VEGFA: variants seen among roughly 807,000 people sequenced by gnomAD.
VEGFA encodes the protein vascular endothelial growth factor A, also known as vascular endothelial growth factor A, long form.
A neutral mutation model predicts 49.7 loss-of-function variants in VEGFA; 20 were observed. The observed-to-expected ratio is 0.40, with a 90% CI of 0.28 to 0.58. VEGFA has a LOEUF of 0.58. Among genes scored for constraint, VEGFA ranks in the 20% least tolerant of loss-of-function variants. The probability of loss-of-function intolerance (pLI) is 0.40; values close to 1 mark genes in which losing one functional copy is unlikely to be tolerated. For missense variants in VEGFA, 505 were observed against 553.5 expected (o/e 0.91, Z 0.88); for synonymous variants, 219 against 223.4 (o/e 0.98, Z 0.18).
Position 43,777,439 on chromosome 6 carries a change from C to G in VEGFA, c.659-30C>G, listed in dbSNP as rs748234076. 8 of 1,612,574 alleles carry G rather than the reference C, an allele frequency of 5.0e-6. No individual in the cohort carries two copies. In the African/African-American group the frequency reaches 5.3e-5, roughly 11 times the overall value. On this transcript the variant is annotated intron_variant, in intron 2 of 7. Coordinates refer to ENST00000672860, the MANE Select transcript of VEGFA (RefSeq NM_003376.6). The surrounding 1 kb of genome is among the most constrained non-coding windows in gnomAD (Gnocchi z 4.3). ...GCTAGCCATCTTTTGTGTCGCCCAC[C>G]GGGCTCATGTGTCATCGCCTCTCAT... is the stretch of plus-strand genomic sequence containing the variant.
chr6:43,779,741 T>C, intron 5 of VEGFA: 1 of 462,260 alleles, frequency 2.2e-6, no homozygotes, highest in Non-Finnish European at 4.4e-6. Context: ...TTCCACCCTT[T>C]GGTGCTTTCT....
chr6:43,779,865 C>T (rs1766813878), intron 5 of VEGFA: 1 of 377,270 alleles, frequency 2.7e-6, no homozygotes, highest in African/African-American at 2.1e-5. Context: ...AGCTCTGGTT[C>T]TCTTGAAGGG....
At chr6:43,778,130 A>G (rs566462640) in intron 3 of VEGFA, 11 of 491,740 alleles carry the variant, frequency 2.2e-5, no homozygotes, top group African/African-American at 1.6e-4. Flanking sequence ...GGTATCTACT[A>G]GGAGTCAGGG....
Position 43,770,548 on chromosome 6 carries a change from A to G in VEGFA, c.-159A>G. On this transcript the variant is annotated 5_prime_UTR_variant, in exon 1 of 8. Coordinates refer to ENST00000672860, the MANE Select transcript of VEGFA (RefSeq NM_003376.6). ...AGAGGAAAGAGGTAGCAAGAGCTCCAGAGAGAAGTCGAGGAAGAGAGAGAC... is the reference window on the plus strand; with the variant it reads ...AGAGGAAAGAGGTAGCAAGAGCTCCGGAGAGAAGTCGAGGAAGAGAGAGAC... 9 of 1,328,870 alleles carry G rather than the reference A, an allele frequency of 6.8e-6. No homozygotes were observed. The highest frequency in any genetic ancestry group is 4.1e-5 in the South Asian group (2 of 48,532). The allele number at this position is 1,328,870 out of a possible 1,614,324, so 82.3% of individuals were successfully genotyped here.
intron 4 of VEGFA, 76 bp downstream of exon 4, chr6:43,778,612 G>A: frequency 1.4e-6 from 2 of 1,476,496 alleles, no homozygotes; most frequent in East Asian, 2.3e-5. Context: ...TAAGCATGCT[G>A]TACTTTTTGG....
chr6:43,782,738 A>G, intron 7 of VEGFA: 1 of 163,122 alleles, frequency 6.1e-6, no homozygotes, highest in Non-Finnish European at 1.3e-5. Context: ...AGGCTCCCTC[A>G]GGCCAGGGCT....
In VEGFA at chr6:43,779,165, AG is replaced by A. The variant is rs1367594818; in HGVS notation, c.962+248del. On this transcript the variant is annotated intron_variant, in intron 5 of 7. Transcript: ENST00000672860. ...AAGGGACAATGCCTTCTGGGTCTCC[AG>A]ATCATTCCTGACCAGGACTTGCTGT... 4.2e-5 allele frequency: 25 copies of A among 600,726 alleles called. No individual in the cohort carries two copies. The East Asian group carries it at 7.0e-4, about 17-fold the overall frequency. The allele number at this position is 600,726 out of a possible 1,614,324, so 37.2% of individuals were successfully genotyped here.
rs758184027 is a variant in VEGFA at position 43,771,075 on chromosome 6, G to C, written c.369G>C (p.Ala123=). ...AGCCGGGCTCATGGACGGGTGAGGCGGCGGTGTGCGCAGACAGTGCTCCAG... is the reference window on the plus strand; with the variant it reads ...AGCCGGGCTCATGGACGGGTGAGGCCGCGGTGTGCGCAGACAGTGCTCCAG... Residue 123 remains alanine (A), a synonymous_variant, in exon 1 of 8, where the codon GCG becomes GCC. Transcript: ENST00000672860. The C allele has an allele frequency of 2.2e-5, 33 of 1,499,474 alleles. No individual in the cohort carries two copies. The highest frequency in any genetic ancestry group is 2.8e-5 in the Non-Finnish European group (32 of 1,125,146). The allele number at this position is 1,499,474 out of a possible 1,614,324, so 92.9% of individuals were successfully genotyped here.
At chr6:43,774,192 C>T in intron 1 of VEGFA, 149 bp from the exon 2 acceptor site, 4 of 795,856 alleles carry the variant, frequency 5.0e-6, no homozygotes, top group Non-Finnish European at 8.6e-6. Flanking sequence ...CGTGGGGACC[C>T]CCGGTTGTGT....
In VEGFA at chr6:43,770,543, G is replaced by A; in HGVS notation, c.-164G>A. On this transcript the variant is annotated 5_prime_UTR_variant, in exon 1 of 8. Coordinates refer to ENST00000672860, the MANE Select transcript of VEGFA (RefSeq NM_003376.6). ...CAGAAAGAGGAAAGAGGTAGCAAGA[G>A]CTCCAGAGAGAAGTCGAGGAAGAGA... 1.5e-6 allele frequency: 2 copies of A among 1,320,922 alleles called. No homozygotes were observed. The highest frequency in any genetic ancestry group is 1.9e-6 in the Non-Finnish European group (2 of 1,038,390). The allele number at this position is 1,320,922 out of a possible 1,614,324, so 81.8% of individuals were successfully genotyped here. A position where few individuals can be genotyped will look rare whatever the true frequency, so the allele number is the denominator to read the frequency against.
chr6:43,781,361 A>T (rs1767655243), intron 6 of VEGFA: 1 of 256,396 alleles, frequency 3.9e-6, no homozygotes, highest in South Asian at 4.6e-5. Context: ...TCTGGAGGGG[A>T]GCCCCCTATT....
Position 43,770,677 on chromosome 6 carries a change from C to G in VEGFA, c.-30C>G. On this transcript the variant is annotated 5_prime_UTR_variant, in exon 1 of 8. Transcript: ENST00000672860. The stretch of plus-strand genomic sequence containing the variant: ...CGCCGGAGCGCGGCGTGAGCCCTCC[C>G]CCTTGGGATCCCGCAGCTGACCAGT... 1.3e-6 allele frequency: 2 copies of G among 1,537,116 alleles called. No individual in the cohort carries two copies. Among genetic ancestry groups the G allele is most frequent in the Middle Eastern group, 1.7e-4 (1 of 5,882 alleles).
intron 3 of VEGFA, chr6:43,778,214 G>C (rs1766106778): frequency 1.7e-6 from 1 of 587,572 alleles, no homozygotes; most frequent in Non-Finnish European, 3.1e-6. Context: ...TTCCCAGCCT[G>C]GCCAACCCTT....
intron 5 of VEGFA, chr6:43,779,163 C>T (rs910574141): frequency 2.0e-5 from 12 of 600,578 alleles, no homozygotes; most frequent in African/African-American, 1.1e-4. Flanking sequence ...TTCTGGGTCT[C>T]CAGATCATTC....
intron 3 of VEGFA, 132 bp from the exon 4 acceptor site, chr6:43,778,328 C>A: frequency 1.3e-6 from 1 of 781,154 alleles, no homozygotes; most frequent in African/African-American, 1.7e-5. Flanking sequence ...GCTCTTGGTC[C>A]TCCCTGCCTC....
chr6:43,786,442 A>G lies in VEGFA; in HGVS notation c.*1880A>G, dbSNP rs1004772225. The stretch of plus-strand genomic sequence containing the variant: ...ACAAAGAAATACAGATATATCTTAA[A>G]AAAAAAAAAGCATTTTGTATTAAAG... On this transcript the variant is annotated 3_prime_UTR_variant, in exon 8 of 8. Transcript: ENST00000672860. The G allele has an allele frequency of 6.5e-5, 11 of 169,418 alleles. No homozygotes were observed. The highest frequency in any genetic ancestry group is 1.4e-4 in the Non-Finnish European group (11 of 77,840). The allele number at this position is 169,418 out of a possible 1,614,324, so 10.5% of individuals were successfully genotyped here.
At chr6:43,776,270 C>G (rs1320950870) in intron 2 of VEGFA, 1 of 152,252 alleles carries the variant, frequency 6.6e-6, no homozygotes, top group Non-Finnish European at 1.5e-5. Flanking sequence ...TGGCCAGAGC[C>G]TGGGCCTCCT....
chr6:43,777,480 A>G lies in VEGFA; in HGVS notation c.670A>G (p.Met224Val). The change falls in exon 3 of 8, where the codon ATG becomes GTG. Residue 224 changes from methionine (M) to valine (V), a missense_variant. Coordinates refer to ENST00000672860, the MANE Select transcript of VEGFA (RefSeq NM_003376.6). The surrounding 1 kb of genome is among the most constrained non-coding windows in gnomAD (Gnocchi z 4.3). Reference sequence around the variant, plus strand: ...CGCCTCTCATGCAGTGGTGAAGTTCATGGATGTCTATCAGCGCAGCTACTG... The same window carrying G: ...CGCCTCTCATGCAGTGGTGAAGTTCGTGGATGTCTATCAGCGCAGCTACTG... 6.2e-7 allele frequency: 1 copy of G among 1,614,068 alleles called. No individual in the cohort carries two copies. The highest frequency in any genetic ancestry group is 2.2e-5 in the East Asian group (1 of 44,888).
In VEGFA at chr6:43,770,732, C is replaced by T. The variant is rs1365501228; in HGVS notation, c.26C>T (p.Ala9Val). The T allele has an allele frequency of 6.5e-7, 1 of 1,530,906 alleles. No individual in the cohort carries two copies. Among genetic ancestry groups the T allele is most frequent in the Admixed American group, 2.1e-5 (1 of 48,452 alleles). The allele number at this position is 1,530,906 out of a possible 1,614,324, so 94.8% of individuals were successfully genotyped here. The stretch of plus-strand genomic sequence containing the variant: ...CTGACGGACAGACAGACAGACACCG[C>T]CCCCAGCCCCAGCTACCACCTCCTC... The change falls in exon 1 of 8, where the codon GCC (alanine) becomes GTC (valine). Residue 9 changes from alanine (A) to valine (V), a missense_variant. By Grantham distance (64) the Ala-to-Val change is moderately conservative. This residue lies in a region of VEGFA where 340 missense variants were observed against 321.8 expected (regional missense o/e 1.06). Transcript: ENST00000672860.
Sources: allele counts gnomAD v4.1 joint callset, GRCh38; gene constraint gnomAD v4.1.1; regional missense constraint gnomAD v4.1.1; non-coding constraint Gnocchi (gnomAD v3.1); transcripts MANE v1.5; gene names NCBI Gene and HGNC (gene_info 2026-07-23, HGNC 2026-07-21).